The following LCORL variants were observed in gnomAD, a reference collection of about 807,000 sequenced individuals.
The protein encoded by LCORL is ligand-dependent nuclear receptor corepressor-like protein.
LCORL carries 41 observed loss-of-function variants against 141.8 expected under a neutral mutation model. The ratio of observed to expected loss-of-function variants is 0.29; its 90% CI spans 0.23 to 0.38. The LOEUF is 0.38. Among genes scored for constraint, LCORL ranks in the 10% least tolerant of loss-of-function variants. The pLI is 1.00. For missense variants in LCORL, 1,759 were observed against 2,035.0 expected (o/e 0.86, Z 2.61); for synonymous variants, 618 against 694.1 (o/e 0.89, Z 1.72).
chr4:17,901,251 G>A (rs903043847), intron 5 of LCORL, among the ~76,000 whole-genome samples: 1 of 151,788 alleles, frequency 6.6e-6, no homozygotes, highest in Non-Finnish European at 1.5e-5. Context: ...GTGAGAGAGA[G>A]CCCAAAAGTA....
intron 1 of LCORL, among the ~76,000 whole-genome samples, chr4:18,015,078 G>T (rs1215918895): frequency 6.6e-6 from 1 of 152,074 alleles, no homozygotes; most frequent in Admixed American, 6.6e-5. Flanking sequence ...TACTAATGAG[G>T]AATAAAAAGT....
At chr4:17,980,485 CTT>C (rs1481086843) in intron 1 of LCORL, among the ~76,000 whole-genome samples, 1 of 152,190 alleles carries the variant, frequency 6.6e-6, no homozygotes, top group African/African-American at 2.4e-5. Context: ...TTGTGATCCT[CTT>C]GTTTAAACAG....
chr4:17,883,540 CTTT>C (rs1390028591), intron 6 of LCORL: 1 of 1,327,434 alleles, frequency 7.5e-7, no homozygotes, highest in Non-Finnish European at 9.6e-7. Context: ...CTGAATAAAA[CTTT>C]TTTTCAAAAG....
chr4:17,998,786 G>A (rs973386648), intron 1 of LCORL, among the ~76,000 whole-genome samples: 5 of 151,064 alleles, frequency 3.3e-5, no homozygotes, highest in South Asian at 4.2e-4. Flanking sequence ...GCAACATAAC[G>A]AAACCCTGTC....
intron 2 of LCORL, among the ~76,000 whole-genome samples, chr4:17,966,667 T>C (rs949605526): frequency 6.6e-5 from 10 of 152,120 alleles, no homozygotes; most frequent in African/African-American, 2.2e-4. Flanking sequence ...AGAAGATACA[T>C]AGTGGCAACC....
At chr4:17,858,620 T>C (rs1724632851) in intron 7 of LCORL, among the ~76,000 whole-genome samples, 1 of 151,102 alleles carries the variant, frequency 6.6e-6, no homozygotes, top group African/African-American at 2.4e-5. Context: ...CCCAGCTACT[T>C]GGGAGGCTGA....
intron 2 of LCORL, among the ~76,000 whole-genome samples, chr4:17,967,021 A>T (rs1715024048): frequency 6.6e-6 from 1 of 152,172 alleles, no homozygotes; most frequent in African/African-American, 2.4e-5. Context: ...AGTGAGCAAG[A>T]TGTGTTTCAA....
chr4:17,922,545 C>T (rs538776979), intron 4 of LCORL, among the ~76,000 whole-genome samples: 81 of 152,084 alleles, frequency 5.3e-4, no homozygotes, highest in Non-Finnish European at 1.0e-3. Context: ...TTCTATCTCC[C>T]GGCTCAAGAG....
intron 2 of LCORL, among the ~76,000 whole-genome samples, chr4:17,967,853 TTTC>T (rs1459474265): frequency 1.3e-5 from 2 of 150,996 alleles, no homozygotes; most frequent in African/African-American, 4.8e-5. Flanking sequence ...TTACTTTTTT[TTTC>T]TTTTCTTTTC....
intron 5 of LCORL, among the ~76,000 whole-genome samples, chr4:17,887,885 A>G (rs1728511599): frequency 6.6e-6 from 1 of 151,926 alleles, no homozygotes; most frequent in Admixed American, 6.6e-5. Flanking sequence ...TGCCTAGAAG[A>G]TTCATACTCT....
intron 4 of LCORL, among the ~76,000 whole-genome samples, chr4:17,918,364 GTC>G (rs1424417408): frequency 6.6e-6 from 1 of 152,038 alleles, no homozygotes; most frequent in African/African-American, 2.4e-5. Context: ...CACAGAAAAT[GTC>G]TCTGAGAAAG....
At chr4:17,893,903 A>G (rs1729488765) in intron 5 of LCORL, among the ~76,000 whole-genome samples, 1 of 152,140 alleles carries the variant, frequency 6.6e-6, no homozygotes, top group Non-Finnish European at 1.5e-5. Flanking sequence ...GGTTCAAGCG[A>G]TTCTCCAGCC....
intron 1 of LCORL, among the ~76,000 whole-genome samples, chr4:17,986,610 A>G (rs79794990): frequency 1.3e-5 from 2 of 152,180 alleles, no homozygotes; most frequent in Non-Finnish European, 2.9e-5. Context: ...CTATCAGATC[A>G]GTTAGGTGTG....
At chr4:18,005,599 C>A (rs1722666591) in intron 1 of LCORL, among the ~76,000 whole-genome samples, 1 of 152,236 alleles carries the variant, frequency 6.6e-6, no homozygotes, top group South Asian at 2.1e-4. Context: ...CATTTCCATA[C>A]ATCTTCTGAA....
At chr4:17,933,596 T>A (rs1056979885) in intron 4 of LCORL, among the ~76,000 whole-genome samples, 1 of 152,150 alleles carries the variant, frequency 6.6e-6, no homozygotes, top group Non-Finnish European at 1.5e-5. Context: ...TGTTTTATCA[T>A]ATCTGCCAAT....
At position 17,891,663 on chromosome 4, in the gene LCORL, T is replaced by C. The variant is rs541530264; in HGVS notation, c.683-5502A>G. Among the ~76,000 whole-genome samples, 16 of 152,284 alleles carry C rather than the reference T, an allele frequency of 1.1e-4. No homozygotes were observed. In the East Asian group the frequency reaches 3.1e-3, roughly 29 times the overall value. ...ATATAAAAATCTGATATACAGATGA[T>C]GTAAACATGTAAATGCAAATGCTAC... On this transcript the variant is annotated intron_variant, in intron 5 of 7. Coordinates refer to ENST00000635767, the Ensembl canonical transcript of LCORL.
At position 17,974,792 on chromosome 4, in the gene LCORL, CTATT is replaced by C. The variant is rs1248614721; in HGVS notation, c.155-1911_155-1908del. On this transcript the variant is annotated intron_variant, in intron 1 of 7. Transcript: ENST00000635767. Reference sequence around the variant, plus strand: ...CCAGTTTTTAAAAATCAGTAAAAAACTATTTAGGCTATCGATTTCTTATTAATTC... The same window carrying C: ...CCAGTTTTTAAAAATCAGTAAAAAACTAGGCTATCGATTTCTTATTAATTC... 4.6e-5 allele frequency among the ~76,000 whole-genome samples: 7 copies of C among 152,186 alleles called. No homozygotes were observed. In the East Asian group the frequency reaches 5.8e-4, roughly 13 times the overall value.
chr4:17,877,326 CTAGA>C lies in LCORL; in HGVS notation c.1660_1663del (p.Ser554AlafsTer10). 1.6e-6 allele frequency: 2 copies of C among 1,229,434 alleles called. No individual in the cohort carries two copies. The highest frequency in any genetic ancestry group is 2.0e-6 in the Non-Finnish European group (2 of 985,942). 76.2% of individuals were successfully genotyped at this position (1,229,434 alleles called of 1,614,324 possible). A position where few individuals can be genotyped will look rare whatever the true frequency, so the allele number is the denominator to read the frequency against. ...ATCATTATATGTATTATAATCACTGCTAGATAATTTTACAAGGCTTGTCATATCC... is the reference window on the plus strand; with the variant it reads ...ATCATTATATGTATTATAATCACTGCTAATTTTACAAGGCTTGTCATATCC... On this transcript the variant is annotated frameshift_variant, in exon 7 of 8. Transcript: ENST00000635767. LOFTEE classifies it high-confidence loss of function.
intron 1 of LCORL, among the ~76,000 whole-genome samples, chr4:17,990,078 A>G (rs1577659020): frequency 6.6e-6 from 1 of 151,992 alleles, no homozygotes; most frequent in Non-Finnish European, 1.5e-5. Flanking sequence ...ACCAGCAGAA[A>G]AAAAGAAAAC....
Sources: gnomAD v4.1 joint callset for allele counts (sites outside exome capture counted in the v4.1 genomes callset) on GRCh38, gnomAD v4.1.1 for gene constraint, MANE v1.5 for transcripts, NCBI Gene and HGNC (gene_info 2026-07-23, HGNC 2026-07-21) for gene names.